CTSC: variants seen among roughly 807,000 people sequenced by gnomAD.
The protein encoded by CTSC is cathepsin C, also known as dipeptidyl peptidase 1.
A neutral mutation model predicts 40.9 loss-of-function variants in CTSC; 37 were observed. The observed-to-expected ratio is 0.91, with a 90% CI of 0.70 to 1.19. The LOEUF (loss-of-function observed/expected upper bound fraction) is 1.19. Ranked by LOEUF, CTSC falls within the 50% of genes most tolerant of loss-of-function variation. The pLI, the probability that CTSC is intolerant of heterozygous loss-of-function variation, is 0.00. For synonymous variants in CTSC, 232 were observed against 207.4 expected (o/e 1.12, Z -1.02); for missense variants, 594 against 567.3 (o/e 1.05, Z -0.48).
At position 88,293,777 on chromosome 11, in the gene CTSC, G is replaced by C; in HGVS notation, c.*229C>G. On this transcript the variant is annotated 3_prime_UTR_variant, in exon 7 of 7. Coordinates refer to ENST00000227266, the MANE Select transcript of CTSC (RefSeq NM_001814.6). ...AAGCAAACTCTATTACTTCATAGCT[G>C]ACCATCTTCCAGAAAATTCCCACTT... 2 of 584,380 alleles carry C rather than the reference G, an allele frequency of 3.4e-6. No homozygotes were observed. Among genetic ancestry groups the C allele is most frequent in the Non-Finnish European group, 6.1e-6 (2 of 327,762 alleles). The allele number at this position is 584,380 out of a possible 1,614,324, so 36.2% of individuals were successfully genotyped here.
intron 4 of CTSC, among the ~76,000 whole-genome samples, chr11:88,303,884 T>G (rs1445906544): frequency 6.6e-6 from 1 of 151,920 alleles, no homozygotes; most frequent in Non-Finnish European, 1.5e-5. Flanking sequence ...AGTGCTGCCC[T>G]GGGCAGGTGA....
chr11:88,311,802 C>T (rs910236511), intron 3 of CTSC, among the ~76,000 whole-genome samples: 21 of 152,198 alleles, frequency 1.4e-4, no homozygotes, highest in Middle Eastern at 3.4e-3. Flanking sequence ...GTTTAGGAGC[C>T]CAGTAAGCAA....
intron 2 of CTSC, among the ~76,000 whole-genome samples, chr11:88,314,791 G>A (rs1937839566): frequency 6.6e-6 from 1 of 152,166 alleles, no homozygotes; most frequent in Non-Finnish European, 1.5e-5. Flanking sequence ...GCCTCCCAAA[G>A]TGCTGGGATT....
chr11:88,334,008 A>G (rs1938428315), intron 2 of CTSC, among the ~76,000 whole-genome samples: 1 of 152,364 alleles, frequency 6.6e-6, no homozygotes, highest in East Asian at 1.9e-4. Context: ...CACAACTCCC[A>G]TGAGAAATTA....
chr11:88,296,289 A>G, intron 5 of CTSC, 25 bp from the exon 6 acceptor site: 1 of 1,612,532 alleles, frequency 6.2e-7, no homozygotes, highest in South Asian at 1.1e-5. Context: ...AAGACACATA[A>G]TCCAAGAGAC....
intron 2 of CTSC, among the ~76,000 whole-genome samples, chr11:88,315,657 A>G (rs767974797): frequency 4.6e-5 from 7 of 152,190 alleles, no homozygotes; most frequent in Non-Finnish European, 1.0e-4. Flanking sequence ...GAACACAGAA[A>G]TGATATAGTC....
intron 2 of CTSC, among the ~76,000 whole-genome samples, chr11:88,313,213 G>A (rs1023962197): frequency 1.3e-5 from 2 of 152,176 alleles, no homozygotes; most frequent in African/African-American, 2.4e-5. Context: ...GGGATTAAAG[G>A]TGCTTACCAC....
chr11:88,312,289 A>G, intron 3 of CTSC, 99 bp downstream of exon 3: 2 of 1,158,158 alleles, frequency 1.7e-6, no homozygotes, highest in South Asian at 1.2e-5. Flanking sequence ...TAAGCCAAAG[A>G]TATTTTGTAT....
chr11:88,295,595 G>T (rs1196731187), intron 6 of CTSC, among the ~76,000 whole-genome samples: 2 of 152,088 alleles, frequency 1.3e-5, no homozygotes, highest in East Asian at 3.9e-4. Flanking sequence ...TGCCCAGGCT[G>T]GTCTCAAACT....
At chr11:88,335,516 G>A (rs1190272424) in intron 1 of CTSC, among the ~76,000 whole-genome samples, 1 of 152,176 alleles carries the variant, frequency 6.6e-6, no homozygotes, top group East Asian at 1.9e-4. Context: ...AGGAGTTGGA[G>A]GCTGCAGTGA....
At chr11:88,329,708 T>G (rs1938296891) in intron 2 of CTSC, among the ~76,000 whole-genome samples, 2 of 152,034 alleles carry the variant, frequency 1.3e-5, no homozygotes, top group Non-Finnish European at 2.9e-5. Context: ...CTGTTTCGTG[T>G]TGTTACATTG....
Position 88,320,349 on chromosome 11 carries a change from A to C in CTSC, c.319-7795T>G, listed in dbSNP as rs578135682. Among the ~76,000 whole-genome samples, 4 of 152,342 alleles carry C rather than the reference A, an allele frequency of 2.6e-5. No homozygotes were observed. The East Asian group carries it at 7.7e-4, about 29-fold the overall frequency. On this transcript the variant is annotated intron_variant, in intron 2 of 6. Transcript: ENST00000227266. ...AGAAAACAGCAATTTACTGCACAGC[A>C]AAGTAGTCAAAGTCCCTGGGCTCAT...
chr11:88,330,597 C>G (rs191282031), intron 2 of CTSC, among the ~76,000 whole-genome samples: 14 of 152,190 alleles, frequency 9.2e-5, no homozygotes, highest in Admixed American at 2.0e-4. Context: ...GATCGCCTGT[C>G]TCGGCCTCCC....
intron 2 of CTSC, among the ~76,000 whole-genome samples, chr11:88,328,513 A>G (rs1005054551): frequency 6.6e-6 from 1 of 152,242 alleles, no homozygotes; most frequent in Non-Finnish European, 1.5e-5. Flanking sequence ...CTTTTATTGT[A>G]GAAACACAGG....
intron 4 of CTSC, among the ~76,000 whole-genome samples, chr11:88,301,861 C>T (rs217117): frequency 0.29 from 43,495 of 151,746 alleles, 7,768 homozygotes; most frequent in East Asian, 0.56. Flanking sequence ...GCTTTAGACA[C>T]ATTCGACTTC....
At chr11:88,336,326 G>A (rs1396727732) in intron 1 of CTSC, among the ~76,000 whole-genome samples, 1 of 151,382 alleles carries the variant, frequency 6.6e-6, no homozygotes. Context: ...GGATCACGAG[G>A]TCAGGAGATG....
Position 88,296,130 on chromosome 11 carries a change from T to C in CTSC, c.889+3A>G. The C allele has an allele frequency of 1.2e-6, 2 of 1,613,776 alleles. No individual in the cohort carries two copies. Among genetic ancestry groups the C allele is most frequent in the South Asian group, 1.1e-5 (1 of 91,082 alleles). ...TAAATGGTGTCTGAAATGCAACACTTACCTTGAGCATACTGGCTACAAGAC... is the reference window on the plus strand; with the variant it reads ...TAAATGGTGTCTGAAATGCAACACTCACCTTGAGCATACTGGCTACAAGAC... On this transcript the variant is annotated splice_donor_region_variant and intron_variant, in intron 6 of 6. Transcript: ENST00000227266.
chr11:88,331,134 G>C (rs560573394), intron 2 of CTSC, among the ~76,000 whole-genome samples: 3 of 152,268 alleles, frequency 2.0e-5, no homozygotes, highest in South Asian at 4.1e-4. Context: ...AAATATGTAG[G>C]AAGTTCTCCC....
chr11:88,326,035 A>G (rs912850383), intron 2 of CTSC: 1 of 1,073,158 alleles, frequency 9.3e-7, no homozygotes, highest in Non-Finnish European at 1.1e-6. Flanking sequence ...TGACAATCTT[A>G]GAAAAAAATC....
Sources: allele counts gnomAD v4.1 joint callset (sites outside exome capture counted in the v4.1 genomes callset), GRCh38; gene constraint gnomAD v4.1.1; transcripts MANE v1.5; gene names NCBI Gene and HGNC (gene_info 2026-07-23, HGNC 2026-07-21).